The following GRM7 variants were observed in gnomAD, a reference collection of about 807,000 sequenced individuals.
The protein encoded by GRM7 is metabotropic glutamate receptor 7.
GRM7 carries 35 observed loss-of-function variants against 84.5 expected under a neutral mutation model. That is an observed-to-expected ratio of 0.41 (90% confidence interval 0.32 to 0.55). The LOEUF is 0.55. GRM7 is among the 20% of genes least tolerant of loss of function. The pLI, the probability that GRM7 is intolerant of heterozygous loss-of-function variation, is 0.19. For missense variants in GRM7, 1,003 were observed against 1,194.6 expected (o/e 0.84, Z 2.36); for synonymous variants, 487 against 455.1 (o/e 1.07, Z -0.89).
At chr3:6,965,118 T>C (rs981518663) in intron 1 of GRM7, among the ~76,000 whole-genome samples, 1 of 152,012 alleles carries the variant, frequency 6.6e-6, no homozygotes, top group Admixed American at 6.5e-5. Flanking sequence ...TACTCAGAAA[T>C]AAATGATGAG....
intron 7 of GRM7, among the ~76,000 whole-genome samples, chr3:7,476,201 G>C (rs1575393902): frequency 6.6e-6 from 1 of 152,116 alleles, no homozygotes; most frequent in Non-Finnish European, 1.5e-5. Flanking sequence ...CTGCAAAATG[G>C]GAGTAATATT....
At chr3:7,248,704 A>G (rs1559526535) in intron 2 of GRM7, among the ~76,000 whole-genome samples, 1 of 152,174 alleles carries the variant, frequency 6.6e-6, no homozygotes, top group Non-Finnish European at 1.5e-5. Context: ...ATTTTAAAAT[A>G]TTAGTGCCAA....
intron 5 of GRM7, among the ~76,000 whole-genome samples, chr3:7,452,179 A>T (rs888302954): frequency 3.3e-5 from 5 of 152,188 alleles, no homozygotes; most frequent in African/African-American, 1.2e-4. Flanking sequence ...AACAATCGAG[A>T]CAGGCAACAG....
In GRM7 at chr3:7,306,484, A is replaced by G. The variant is rs1700198876; in HGVS notation, c.879-14A>G. ...CTTTATCATTAATATAACTTTCCAT[A>G]TTTCTTTCCACAGGCAGATCCTTGC... is the stretch of plus-strand genomic sequence containing the variant. On this transcript the variant is annotated splice_polypyrimidine_tract_variant and intron_variant, in intron 3 of 9. Coordinates refer to ENST00000357716, the MANE Select transcript of GRM7 (RefSeq NM_000844.4). 1 of 1,611,444 alleles carries G rather than the reference A, an allele frequency of 6.2e-7. No homozygotes were observed. Among genetic ancestry groups the G allele is most frequent in the African/African-American group, 1.3e-5 (1 of 74,954 alleles).
intron 8 of GRM7, among the ~76,000 whole-genome samples, chr3:7,624,748 T>G (rs764749873): frequency 7.9e-5 from 12 of 152,136 alleles, no homozygotes; most frequent in Non-Finnish European, 1.3e-4. Context: ...TCTTAGAAAT[T>G]TTACTGTAGG....
intron 7 of GRM7, among the ~76,000 whole-genome samples, chr3:7,511,669 T>G (rs1459181098): frequency 3.3e-5 from 5 of 152,208 alleles, no homozygotes; most frequent in Non-Finnish European, 7.3e-5. Flanking sequence ...TCAATCTAGT[T>G]TCAAAACTAT....
chr3:7,157,249 G>A (rs557177120), intron 2 of GRM7, among the ~76,000 whole-genome samples: 1 of 152,232 alleles, frequency 6.6e-6, no homozygotes, highest in South Asian at 2.1e-4. Context: ...TGGGGTAGTT[G>A]ACTGACGATT....
At chr3:7,728,253 G>C (rs1702199929) in intron 9 of GRM7, among the ~76,000 whole-genome samples, 1 of 152,192 alleles carries the variant, frequency 6.6e-6, no homozygotes, top group Admixed American at 6.5e-5. Flanking sequence ...ACAAGATGCA[G>C]ACAAACTGGA....
chr3:7,713,535 A>G (rs1035064498), intron 9 of GRM7, among the ~76,000 whole-genome samples: 1 of 152,130 alleles, frequency 6.6e-6, no homozygotes, highest in Non-Finnish European at 1.5e-5. Flanking sequence ...TCTAGAGCAG[A>G]TATGAGTGTA....
intron 1 of GRM7, among the ~76,000 whole-genome samples, chr3:6,996,776 A>G (rs1422197744): frequency 6.6e-6 from 1 of 152,170 alleles, no homozygotes; most frequent in East Asian, 1.9e-4. Flanking sequence ...TTCTTCCTGT[A>G]AACAGAAACC....
intron 1 of GRM7, among the ~76,000 whole-genome samples, chr3:7,000,493 G>A (rs1033085266): frequency 6.6e-6 from 1 of 152,074 alleles, no homozygotes; most frequent in Non-Finnish European, 1.5e-5. Flanking sequence ...GGGCGAGCAT[G>A]TGACATTTTT....
chr3:7,337,317 A>C (rs1271860549), intron 4 of GRM7, among the ~76,000 whole-genome samples: 1 of 152,178 alleles, frequency 6.6e-6, no homozygotes, highest in Admixed American at 6.6e-5. Context: ...ATTCTAGAAG[A>C]TAACATAAGA....
intron 1 of GRM7, among the ~76,000 whole-genome samples, chr3:7,031,673 T>A (rs931061313): frequency 6.6e-6 from 1 of 152,164 alleles, no homozygotes; most frequent in African/African-American, 2.4e-5. Flanking sequence ...ACATTTTTTT[T>A]ATTATACTTG....
chr3:7,142,112 A>C (rs980568408), intron 1 of GRM7, among the ~76,000 whole-genome samples: 1 of 152,076 alleles, frequency 6.6e-6, no homozygotes, highest in Non-Finnish European at 1.5e-5. Context: ...TTTAACAATG[A>C]ATGTTAGGCT....
intron 8 of GRM7, among the ~76,000 whole-genome samples, chr3:7,642,234 T>C (rs1375921809): frequency 1.3e-5 from 2 of 152,268 alleles, no homozygotes; most frequent in Admixed American, 6.5e-5. Flanking sequence ...TACCTTGTCC[T>C]GGGACTACAT....
intron 7 of GRM7, among the ~76,000 whole-genome samples, chr3:7,572,826 AT>A (rs1383591190): frequency 1.6e-5 from 1 of 62,522 alleles, no homozygotes; most frequent in African/African-American, 7.2e-5. Context: ...TATCTCAAAT[AT>A]ATATATATAT....
At chr3:7,354,040 TTA>T (rs1304843254) in intron 4 of GRM7, among the ~76,000 whole-genome samples, 1 of 152,094 alleles carries the variant, frequency 6.6e-6, no homozygotes, top group Non-Finnish European at 1.5e-5. Context: ...CAGAGAATTT[TTA>T]GTGTTGAGTC....
chr3:7,558,270 G>A (rs546107249), intron 7 of GRM7, among the ~76,000 whole-genome samples: 1 of 152,032 alleles, frequency 6.6e-6, no homozygotes, highest in African/African-American at 2.4e-5. Context: ...GAGGATTAGA[G>A]ATAGTATATA....
At chr3:7,269,340 A>G (rs1312599986) in intron 2 of GRM7, among the ~76,000 whole-genome samples, 1 of 152,212 alleles carries the variant, frequency 6.6e-6, no homozygotes, top group Admixed American at 6.5e-5. Flanking sequence ...TTCCACCTGA[A>G]CTATGACCTC....
Sources: allele counts gnomAD v4.1 joint callset (sites outside exome capture counted in the v4.1 genomes callset), GRCh38; gene constraint gnomAD v4.1.1; transcripts MANE v1.5; gene names NCBI Gene and HGNC (gene_info 2026-07-23, HGNC 2026-07-21).